The following CHD6 variants were observed in gnomAD, a reference collection of about 807,000 sequenced individuals.
CHD6 encodes the protein ATP-dependent chromatin remodeler CHD6.
A neutral mutation model predicts 276.9 loss-of-function variants in CHD6; 50 were observed. The observed-to-expected ratio is 0.18, with a 90% CI of 0.14 to 0.23. CHD6 has a LOEUF of 0.23. CHD6 is among the 10% of genes least tolerant of loss of function. The pLI, the probability that CHD6 is intolerant of heterozygous loss-of-function variation, is 1.00. For synonymous variants in CHD6, 1,173 were observed against 1,229.3 expected, an observed-to-expected ratio of 0.95 and a Z score of 0.96; for missense variants, 2,564 against 3,365.8, an observed-to-expected ratio of 0.76 and a Z score of 5.89.
intron 18 of CHD6, among the ~76,000 whole-genome samples, chr20:41,456,756 G>C (rs2048388392): frequency 6.6e-6 from 1 of 152,188 alleles, no homozygotes; most frequent in Non-Finnish European, 1.5e-5. Flanking sequence ...AAGAATCTTA[G>C]CTGTAATTCT....
In CHD6 at chr20:41,432,953, G is replaced by C. The variant is rs180986460; in HGVS notation, c.4068+4321C>G. Among the ~76,000 whole-genome samples the C allele has an allele frequency of 1.5e-3, 227 of 151,794 alleles. 1 individual carries two copies. Among genetic ancestry groups the C allele is most frequent in the African/African-American group, 5.3e-3 (220 of 41,382 alleles). ...TAGGTTTGAAAAGTACAATAAACTG[G>C]AACAAAAACCAAAACCAAAAATGAA... On this transcript the variant is annotated intron_variant, in intron 27 of 36. Transcript: ENST00000373233.
rs145164996 is a variant in CHD6 at position 41,468,722 on chromosome 20, C to T, written c.2664+4600G>A. Among the ~76,000 whole-genome samples, 852 of 152,138 alleles carry T rather than the reference C, an allele frequency of 5.6e-3. 8 individuals are homozygous for T. The highest frequency in any genetic ancestry group is 0.024 in the Middle Eastern group (7 of 294). ...TCCAGACACACGTACTGTCAAGAAACAGGGGATGTAGGTGGGGCGTGGTGG... is the reference window on the plus strand; with the variant it reads ...TCCAGACACACGTACTGTCAAGAAATAGGGGATGTAGGTGGGGCGTGGTGG... On this transcript the variant is annotated intron_variant, in intron 17 of 36. Coordinates refer to ENST00000373233, the MANE Select transcript of CHD6 (RefSeq NM_032221.5).
chr20:41,544,278 A>T (rs1247547795), intron 2 of CHD6, among the ~76,000 whole-genome samples: 1 of 152,170 alleles, frequency 6.6e-6, no homozygotes, highest in Admixed American at 6.5e-5. Context: ...ACGATTCTTC[A>T]CAGTCACATC....
intron 1 of CHD6, among the ~76,000 whole-genome samples, chr20:41,555,356 G>T (rs1409618513): frequency 6.8e-6 from 1 of 146,540 alleles, no homozygotes; most frequent in African/African-American, 2.5e-5. Flanking sequence ...CCGGCCGGGC[G>T]GGGGGCCGAC....
intron 3 of CHD6, among the ~76,000 whole-genome samples, chr20:41,519,225 G>A (rs1322025003): frequency 2.0e-5 from 3 of 152,218 alleles, no homozygotes; most frequent in African/African-American, 7.2e-5. Flanking sequence ...AGAGGTTGCA[G>A]TGAGCACAGA....
chr20:41,609,002 T>C (rs1256296219), intron 1 of CHD6, among the ~76,000 whole-genome samples: 1 of 152,242 alleles, frequency 6.6e-6, no homozygotes, highest in African/African-American at 2.4e-5. Flanking sequence ...TAACATCTCA[T>C]ACAGCATTCC....
intron 2 of CHD6, among the ~76,000 whole-genome samples, chr20:41,539,258 C>A (rs1452059984): frequency 6.6e-6 from 1 of 152,246 alleles, no homozygotes; most frequent in East Asian, 1.9e-4. Flanking sequence ...CTAGGATCTG[C>A]AAGTAATAAA....
chr20:41,417,340 C>CCTGGATAAT lies in CHD6; in HGVS notation c.6128_6136dup (p.Asp2043_Pro2045dup). On this transcript the variant is annotated inframe_insertion, in exon 32 of 37. Coordinates refer to ENST00000373233, the MANE Select transcript of CHD6 (RefSeq NM_032221.5). ...CTTGCTCTCCTCTTCAGAGTACTTC[C>CCTGGATAAT]CTGGATAATCTGGGAAGAGGTTAAA... The CCTGGATAAT allele has an allele frequency of 6.2e-7, 1 of 1,612,322 alleles. No individual in the cohort carries two copies. Among genetic ancestry groups the CCTGGATAAT allele is most frequent in the Non-Finnish European group, 8.5e-7 (1 of 1,179,594 alleles).
chr20:41,507,389 A>T (rs2044001974), intron 5 of CHD6, among the ~76,000 whole-genome samples: 1 of 147,444 alleles, frequency 6.8e-6, no homozygotes, highest in East Asian at 2.0e-4. Flanking sequence ...TAAAATTTCA[A>T]TTTTTTTTTT....
Position 41,578,044 on chromosome 20 carries a change from C to T in CHD6, c.-23-26684G>A, listed in dbSNP as rs1318288505. Reference sequence around the variant, plus strand: ...GCCATCCTAGGTTATAGAAAAAATACGTGATAACAGCAGTGAGAATAAATG... The same window carrying T: ...GCCATCCTAGGTTATAGAAAAAATATGTGATAACAGCAGTGAGAATAAATG... On this transcript the variant is annotated intron_variant, in intron 1 of 36. Coordinates refer to ENST00000373233, the MANE Select transcript of CHD6 (RefSeq NM_032221.5). 3.3e-5 allele frequency among the ~76,000 whole-genome samples: 5 copies of T among 152,158 alleles called. No individual in the cohort carries two copies. In the South Asian group the frequency reaches 6.2e-4, roughly 19 times the overall value.
At chr20:41,411,173 C>T (rs1323263175) in intron 36 of CHD6, among the ~76,000 whole-genome samples, 4 of 151,718 alleles carry the variant, frequency 2.6e-5, no homozygotes, top group South Asian at 2.1e-4. Flanking sequence ...AGATGAGCAA[C>T]GGCCACTGGT....
chr20:41,604,314 C>T (rs2045804686), intron 1 of CHD6, among the ~76,000 whole-genome samples: 1 of 151,814 alleles, frequency 6.6e-6, no homozygotes, highest in African/African-American at 2.4e-5. Context: ...AATAGCATGC[C>T]CAGGAAGGAG....
chr20:41,446,160 A>G (rs2048062494), intron 24 of CHD6, among the ~76,000 whole-genome samples: 1 of 152,218 alleles, frequency 6.6e-6, no homozygotes, highest in Non-Finnish European at 1.5e-5. Context: ...TTGAATTCAT[A>G]CATGATTGTA....
intron 3 of CHD6, among the ~76,000 whole-genome samples, chr20:41,516,258 C>A (rs73611290): frequency 0.022 from 3,333 of 152,070 alleles, 45 homozygotes; most frequent in South Asian, 0.043. Context: ...CTACCTCCCA[C>A]GTTTAATTCT....
At chr20:41,514,993 T>C (rs1284855268) in intron 3 of CHD6, 41 bp from the exon 4 acceptor site, 1 of 1,606,930 alleles carries the variant, frequency 6.2e-7, no homozygotes, top group Non-Finnish European at 8.5e-7. Context: ...TGGGCAGTTT[T>C]TAAAACTAAG....
chr20:41,617,465 A>T (rs2045944104), intron 1 of CHD6, among the ~76,000 whole-genome samples: 1 of 152,142 alleles, frequency 6.6e-6, no homozygotes, highest in Non-Finnish European at 1.5e-5. Context: ...CAATTATCTC[A>T]CTAGTGAGGG....
intron 17 of CHD6, among the ~76,000 whole-genome samples, chr20:41,459,850 C>T (rs1053299814): frequency 5.3e-5 from 8 of 152,164 alleles, no homozygotes; most frequent in African/African-American, 1.9e-4. Flanking sequence ...TACCCGAAAA[C>T]GCGGAAGCGA....
At chr20:41,408,462 G>A (rs1354206380) in intron 36 of CHD6, among the ~76,000 whole-genome samples, 1 of 152,204 alleles carries the variant, frequency 6.6e-6, no homozygotes, top group Admixed American at 6.5e-5. Flanking sequence ...GACTTGATGG[G>A]TCGGGGCCAG....
chr20:41,430,969 G>T (rs2047520142), intron 27 of CHD6, among the ~76,000 whole-genome samples: 1 of 151,566 alleles, frequency 6.6e-6, no homozygotes, highest in South Asian at 2.1e-4. Context: ...GAGTAGCTGG[G>T]AGTACAGGCG....
Sources: gnomAD v4.1 joint callset for allele counts (sites outside exome capture counted in the v4.1 genomes callset) on GRCh38, gnomAD v4.1.1 for gene constraint, MANE v1.5 for transcripts, NCBI Gene and HGNC (gene_info 2026-07-23, HGNC 2026-07-21) for gene names.